CTNNA2: variants seen among roughly 807,000 people sequenced by gnomAD.
CTNNA2 encodes catenin alpha-2.
Under a neutral mutation model 101.0 loss-of-function variants are expected in CTNNA2, and 42 were observed. The observed-to-expected ratio is 0.42, with a 90% CI of 0.32 to 0.54. CTNNA2 has a LOEUF of 0.54. CTNNA2 is among the 20% of genes least tolerant of loss of function. The pLI is 0.14. For synonymous variants in CTNNA2, 450 were observed against 456.4 expected, an observed-to-expected ratio of 0.99 and a Z score of 0.18; for missense variants, 871 against 1,223.1, an observed-to-expected ratio of 0.71 and a Z score of 4.29.
chr2:80,245,330 T>C (rs1214939244), intron 7 of CTNNA2, among the ~76,000 whole-genome samples: 1 of 152,240 alleles, frequency 6.6e-6, no homozygotes, highest in African/African-American at 2.4e-5. Context: ...TTTGTTTTAC[T>C]AGCATGTATT....
chr2:79,755,788 T>C (rs752957557), intron 3 of CTNNA2, among the ~76,000 whole-genome samples: 2 of 152,138 alleles, frequency 1.3e-5, no homozygotes, highest in Non-Finnish European at 2.9e-5. Flanking sequence ...CTCTTTGCCA[T>C]GGAAAAGTAT....
At chr2:79,640,879 T>C (rs555460175) in intron 1 of CTNNA2, among the ~76,000 whole-genome samples, 1 of 152,306 alleles carries the variant, frequency 6.6e-6, no homozygotes, top group South Asian at 2.1e-4. Flanking sequence ...TAATGTCAAT[T>C]TCTTAATGAG....
chr2:80,629,422 G>C (rs1672041476), intron 18 of CTNNA2, among the ~76,000 whole-genome samples: 1 of 152,136 alleles, frequency 6.6e-6, no homozygotes, highest in African/African-American at 2.4e-5. Flanking sequence ...AACCAAAATG[G>C]AGATTCCTGA....
intron 7 of CTNNA2, among the ~76,000 whole-genome samples, chr2:80,374,539 T>G (rs760845533): frequency 6.6e-6 from 1 of 152,076 alleles, no homozygotes; most frequent in African/African-American, 2.4e-5. Flanking sequence ...AACAGAAATT[T>G]GTTTTCTCAC....
At chr2:79,363,798 A>C (rs1383485116) in intron 3 of CTNNA2, among the ~76,000 whole-genome samples, 1 of 152,182 alleles carries the variant, frequency 6.6e-6, no homozygotes, top group Non-Finnish European at 1.5e-5. Context: ...ATTATACAGC[A>C]CAGTGTTACC....
chr2:79,834,988 A>T (rs190853342), intron 3 of CTNNA2, among the ~76,000 whole-genome samples: 2 of 152,196 alleles, frequency 1.3e-5, no homozygotes, highest in East Asian at 3.9e-4. Flanking sequence ...ATGTAAGTTG[A>T]GCTGTTTGCA....
In CTNNA2 at chr2:80,426,063, A is replaced by T. The variant is rs73941119; in HGVS notation, c.1290+6462A>T. On this transcript the variant is annotated intron_variant, in intron 9 of 18. Transcript: ENST00000402739. ...ATGTAAAGTCACTATAGGAAGTATCATCTGTAGAACTAGATAAAATAATTA... is the reference window on the plus strand; with the variant it reads ...ATGTAAAGTCACTATAGGAAGTATCTTCTGTAGAACTAGATAAAATAATTA... 9.3e-3 allele frequency among the ~76,000 whole-genome samples: 1,419 copies of T among 152,290 alleles called. 21 individuals carry two copies. The highest frequency in any genetic ancestry group is 0.032 in the African/African-American group (1,336 of 41,554).
At chr2:79,231,411 C>A (rs1421047148) in intron 2 of CTNNA2, among the ~76,000 whole-genome samples, 1 of 152,204 alleles carries the variant, frequency 6.6e-6, no homozygotes, top group Non-Finnish European at 1.5e-5. Context: ...CTCTTGCCCT[C>A]TGCCATGATT....
At chr2:79,316,918 C>T (rs1232323662) in intron 3 of CTNNA2, among the ~76,000 whole-genome samples, 2 of 151,692 alleles carry the variant, frequency 1.3e-5, no homozygotes, top group Non-Finnish European at 1.5e-5. Flanking sequence ...CTTATTAGAA[C>T]CTTCACTAGT....
chr2:79,752,625 G>A (rs1286560056), intron 3 of CTNNA2, among the ~76,000 whole-genome samples: 1 of 152,098 alleles, frequency 6.6e-6, no homozygotes, highest in African/African-American at 2.4e-5. Context: ...TCATAGTCTG[G>A]TACTCAACTA....
chr2:79,347,955 C>A (rs142722498), intron 3 of CTNNA2, among the ~76,000 whole-genome samples: 1 of 152,012 alleles, frequency 6.6e-6, no homozygotes, highest in Non-Finnish European at 1.5e-5. Context: ...CTTGGCACAC[C>A]CCATTTAATA....
At chr2:80,470,094 A>C (rs1259839600) in intron 9 of CTNNA2, among the ~76,000 whole-genome samples, 3 of 152,078 alleles carry the variant, frequency 2.0e-5, no homozygotes, top group Non-Finnish European at 4.4e-5. Context: ...CCAAGGGAGC[A>C]TGCTCATTCA....
At chr2:80,620,333 A>C (rs1670985183) in intron 18 of CTNNA2, among the ~76,000 whole-genome samples, 1 of 150,454 alleles carries the variant, frequency 6.6e-6, no homozygotes, top group African/African-American at 2.5e-5. Flanking sequence ...CGGTTTAAAA[A>C]TGAAGAGTCC....
intron 7 of CTNNA2, among the ~76,000 whole-genome samples, chr2:80,245,790 T>C (rs1671272829): frequency 2.0e-5 from 3 of 148,444 alleles, no homozygotes. Flanking sequence ...TGATTATGAT[T>C]TAACTTTTTT....
chr2:79,956,252 C>T (rs1240593946), intron 7 of CTNNA2, among the ~76,000 whole-genome samples: 1 of 152,088 alleles, frequency 6.6e-6, no homozygotes, highest in Non-Finnish European at 1.5e-5. Context: ...TTTTACTCTG[C>T]CCTAATCAGT....
At chr2:79,705,168 A>G (rs6738702) in intron 2 of CTNNA2, among the ~76,000 whole-genome samples, 102,692 of 151,974 alleles carry the variant, frequency 0.68, 35,198 homozygotes, top group East Asian at 0.93. Flanking sequence ...CTGACCCACA[A>G]TGTCAGTAGT....
At chr2:79,408,080 G>T (rs1334174801) in intron 4 of CTNNA2, among the ~76,000 whole-genome samples, 2 of 151,894 alleles carry the variant, frequency 1.3e-5, no homozygotes, top group African/African-American at 4.8e-5. Flanking sequence ...GTTCCATCCT[G>T]CAGTCAGTGG....
At chr2:79,553,514 G>A (rs1427806465) in intron 1 of CTNNA2, among the ~76,000 whole-genome samples, 1 of 152,130 alleles carries the variant, frequency 6.6e-6, no homozygotes, top group East Asian at 1.9e-4. Context: ...AAAGAAAAAA[G>A]GTTTAATTCA....
chr2:79,797,647 C>G (rs558028632), intron 3 of CTNNA2, among the ~76,000 whole-genome samples: 103 of 114,216 alleles, frequency 9.0e-4, no homozygotes, highest in Non-Finnish European at 1.3e-3. Flanking sequence ...GGTGACAGAG[C>G]AAGACTCTGT....
Sources: allele counts gnomAD v4.1 joint callset (sites outside exome capture counted in the v4.1 genomes callset), GRCh38; gene constraint gnomAD v4.1.1; transcripts MANE v1.5; gene names NCBI Gene and HGNC (gene_info 2026-07-23, HGNC 2026-07-21).